The following ADAM12 variants were observed in gnomAD, a reference collection of about 807,000 sequenced individuals.
ADAM12 encodes the protein disintegrin and metalloproteinase domain-containing protein 12.
In ADAM12, 70 loss-of-function variants were observed where a neutral mutation model predicts 106.4. The ratio of observed to expected loss-of-function variants is 0.66; its 90% CI spans 0.54 to 0.80. ADAM12 has a LOEUF of 0.80. ADAM12 is among the 30% of genes least tolerant of loss of function. ADAM12 has a pLI of 0.00. For missense variants in ADAM12, 1,010 were observed against 1,171.9 expected (o/e 0.86, Z 2.02); for synonymous variants, 420 against 433.5 (o/e 0.97, Z 0.39).
chr10:126,284,690 G>T (rs1959761292), intron 2 of ADAM12, among the ~76,000 whole-genome samples: 1 of 152,190 alleles, frequency 6.6e-6, no homozygotes, highest in Non-Finnish European at 1.5e-5. Context: ...GGATGACTTG[G>T]TTTCCATTCT....
chr10:126,191,800 T>C (rs183394370), intron 3 of ADAM12, among the ~76,000 whole-genome samples: 189 of 152,318 alleles, frequency 1.2e-3, no homozygotes, highest in African/African-American at 4.4e-3. Flanking sequence ...ACTCTCACAC[T>C]GCTATAAAGA....
chr10:126,106,515 C>G (rs1347917744), intron 8 of ADAM12, among the ~76,000 whole-genome samples: 1 of 136,072 alleles, frequency 7.3e-6, no homozygotes, highest in Non-Finnish European at 1.5e-5. Context: ...GAGATGGAGT[C>G]TCGCTCTGTC....
intron 3 of ADAM12, among the ~76,000 whole-genome samples, chr10:126,236,844 C>T (rs959183666): frequency 2.0e-5 from 3 of 152,148 alleles, no homozygotes; most frequent in African/African-American, 7.2e-5. Flanking sequence ...GGGACAGCAC[C>T]CCCAAAGCCA....
At chr10:126,074,433 G>A (rs1428346378) in intron 11 of ADAM12, among the ~76,000 whole-genome samples, 1 of 152,034 alleles carries the variant, frequency 6.6e-6, no homozygotes, top group Non-Finnish European at 1.5e-5. Context: ...GGGTTTTTTG[G>A]GGGTTTCCCA....
intron 3 of ADAM12, among the ~76,000 whole-genome samples, chr10:126,197,446 G>A (rs1324546441): frequency 2.0e-5 from 3 of 152,214 alleles, no homozygotes; most frequent in Admixed American, 2.0e-4. Flanking sequence ...ACCACAGGAG[G>A]TCCACAGCAA....
intron 1 of ADAM12, among the ~76,000 whole-genome samples, chr10:126,348,013 C>A (rs1407625323): frequency 1.3e-5 from 2 of 152,174 alleles, no homozygotes; most frequent in East Asian, 1.9e-4. Flanking sequence ...CTGCTTTTCA[C>A]CAAAGGTGGG....
chr10:126,262,031 A>G (rs2094007581), intron 3 of ADAM12, among the ~76,000 whole-genome samples: 1 of 152,206 alleles, frequency 6.6e-6, no homozygotes, highest in Non-Finnish European at 1.5e-5. Flanking sequence ...TTTGTACTGC[A>G]GTAGAATCTT....
chr10:126,355,325 G>T (rs983362549), intron 1 of ADAM12, among the ~76,000 whole-genome samples: 1 of 152,110 alleles, frequency 6.6e-6, no homozygotes, highest in African/African-American at 2.4e-5. Context: ...CTAAATCTCC[G>T]ACAGGTCTAA....
chr10:126,119,825 C>T (rs1045873582), intron 5 of ADAM12, among the ~76,000 whole-genome samples: 3 of 152,224 alleles, frequency 2.0e-5, no homozygotes, highest in Non-Finnish European at 4.4e-5. Context: ...TGTCGGGTTC[C>T]TTCAAACGAT....
intron 20 of ADAM12, among the ~76,000 whole-genome samples, 179 bp downstream of exon 20, chr10:126,038,062 C>G (rs1054345112): frequency 5.9e-5 from 9 of 152,180 alleles, no homozygotes; most frequent in Admixed American, 5.9e-4. Flanking sequence ...ATGGGGGCAC[C>G]GTGGGGCCTC....
intron 21 of ADAM12, among the ~76,000 whole-genome samples, chr10:126,025,039 C>A (rs982487937): frequency 6.6e-6 from 1 of 152,030 alleles, no homozygotes; most frequent in African/African-American, 2.4e-5. Context: ...TAACCCCATC[C>A]AAAGGTCAGC....
chr10:126,045,202 T>C (rs975340029), intron 17 of ADAM12, among the ~76,000 whole-genome samples: 3 of 152,180 alleles, frequency 2.0e-5, no homozygotes, highest in African/African-American at 7.2e-5. Flanking sequence ...GGACTGGACT[T>C]GATCATCTCT....
At chr10:126,145,459 G>C (rs2133700720) in intron 4 of ADAM12, 1 of 135,088 alleles carries the variant, frequency 7.4e-6, no homozygotes, top group Non-Finnish European at 1.7e-5. Flanking sequence ...AAGTGAACTG[G>C]AGGCAGTGTA....
chr10:126,140,752 A>C (rs1204520137), intron 4 of ADAM12, among the ~76,000 whole-genome samples: 5 of 152,232 alleles, frequency 3.3e-5, no homozygotes, highest in Non-Finnish European at 7.3e-5. Context: ...AACAAATGTG[A>C]TTGAGTTTTT....
intron 1 of ADAM12, among the ~76,000 whole-genome samples, chr10:126,384,592 GA>G (rs925412351): frequency 1.1e-4 from 17 of 149,298 alleles, no homozygotes; most frequent in African/African-American, 2.7e-4. Flanking sequence ...ATGACATCAG[GA>G]AAAAAAAAAT....
chr10:126,029,284 G>T (rs959319928), intron 21 of ADAM12, among the ~76,000 whole-genome samples: 1 of 151,938 alleles, frequency 6.6e-6, no homozygotes, highest in African/African-American at 2.4e-5. Flanking sequence ...TATTATACAC[G>T]CATGCATATG....
chr10:126,060,905 G>C (rs1245883025), intron 14 of ADAM12, among the ~76,000 whole-genome samples: 1 of 152,204 alleles, frequency 6.6e-6, no homozygotes, highest in Non-Finnish European at 1.5e-5. Flanking sequence ...CTTGACAAAT[G>C]AGAGAATGGT....
Position 126,071,791 on chromosome 10 carries a change from C to A in ADAM12, c.1146-137G>T, listed in dbSNP as rs73376510. On this transcript the variant is annotated intron_variant, in intron 11 of 22. Coordinates refer to ENST00000448723, the MANE Select transcript of ADAM12 (RefSeq NM_001288973.2). ...GGTGGTCTCAATGAACAATGCATATCAAAAAACTCAGATATGCAGTGTCAA... is the reference window on the plus strand; with the variant it reads ...GGTGGTCTCAATGAACAATGCATATAAAAAAACTCAGATATGCAGTGTCAA... 2,845 of 887,394 alleles carry A rather than the reference C, an allele frequency of 3.2e-3. 59 individuals are homozygous for A. The African/African-American group carries it at 0.041, about 13-fold the overall frequency. The allele number at this position is 887,394 out of a possible 1,614,324, so 55.0% of individuals were successfully genotyped here.
chr10:126,236,894 C>T (rs529896230), intron 3 of ADAM12, among the ~76,000 whole-genome samples: 5 of 152,146 alleles, frequency 3.3e-5, no homozygotes, highest in Non-Finnish European at 4.4e-5. Context: ...GTGACAGGAG[C>T]CATCCACCCT....
Sources: allele counts gnomAD v4.1 joint callset (sites outside exome capture counted in the v4.1 genomes callset), GRCh38; gene constraint gnomAD v4.1.1; transcripts MANE v1.5; gene names NCBI Gene and HGNC (gene_info 2026-07-23, HGNC 2026-07-21).